Variants in RSRC1 observed in about 807,000 individuals in gnomAD.
RSRC1 encodes serine/Arginine-related protein 53.
RSRC1 carries 39 observed loss-of-function variants against 49.1 expected under a neutral mutation model. The observed-to-expected ratio is 0.79, with a 90% CI of 0.61 to 1.04. The LOEUF (loss-of-function observed/expected upper bound fraction) is 1.04, where lower values mean the gene tolerates loss of function less well. RSRC1 is among the 50% of genes least tolerant of loss of function. The pLI is 0.00. For synonymous variants in RSRC1, 143 were observed against 130.8 expected (o/e 1.09, Z -0.63); for missense variants, 388 against 402.4 (o/e 0.96, Z 0.31).
intron 6 of RSRC1, among the ~76,000 whole-genome samples, chr3:158,458,571 G>T (rs1193947413): frequency 6.6e-6 from 1 of 152,110 alleles, no homozygotes; most frequent in Non-Finnish European, 1.5e-5. Flanking sequence ...GCCTAGAGGG[G>T]ACAGTTAGCC....
chr3:158,188,866 G>A (rs1225817691), intron 3 of RSRC1, among the ~76,000 whole-genome samples: 1 of 151,274 alleles, frequency 6.6e-6, no homozygotes, highest in Non-Finnish European at 1.5e-5. Flanking sequence ...AACCTTTTGA[G>A]TTTACTCTTC....
intron 5 of RSRC1, among the ~76,000 whole-genome samples, chr3:158,340,456 G>A (rs1278305711): frequency 1.3e-5 from 2 of 152,068 alleles, no homozygotes; most frequent in Non-Finnish European, 1.5e-5. Flanking sequence ...CAGGAGAATC[G>A]CTTGAACCCG....
intron 5 of RSRC1, among the ~76,000 whole-genome samples, chr3:158,314,018 C>T (rs1728264273): frequency 6.6e-6 from 1 of 152,092 alleles, no homozygotes; most frequent in East Asian, 1.9e-4. Flanking sequence ...AATAGGAATC[C>T]ACACCTGGAT....
At chr3:158,386,711 G>T (rs1049595247) in intron 6 of RSRC1, among the ~76,000 whole-genome samples, 7 of 151,918 alleles carry the variant, frequency 4.6e-5, no homozygotes, top group Admixed American at 3.9e-4. Flanking sequence ...AGGCAGAAAT[G>T]TAGGGTTTAT....
chr3:158,391,253 A>T (rs1011186311), intron 6 of RSRC1, among the ~76,000 whole-genome samples: 1 of 151,836 alleles, frequency 6.6e-6, no homozygotes, highest in Non-Finnish European at 1.5e-5. Flanking sequence ...ACCTTTCCTC[A>T]TCTATCTTTT....
intron 6 of RSRC1, among the ~76,000 whole-genome samples, chr3:158,458,570 G>A (rs1474018286): frequency 2.6e-5 from 4 of 152,096 alleles, no homozygotes; most frequent in Non-Finnish European, 4.4e-5. Context: ...AGCCTAGAGG[G>A]GACAGTTAGC....
intron 7 of RSRC1, among the ~76,000 whole-genome samples, chr3:158,526,304 G>GAGC (rs1000685892): frequency 3.3e-5 from 5 of 152,110 alleles, no homozygotes; most frequent in African/African-American, 1.2e-4. Flanking sequence ...AAAGGCTACA[G>GAGC]AGCAGCCTAG....
In RSRC1 at chr3:158,376,189, C is replaced by CA. The variant is rs1732361066; in HGVS notation, c.583+21281_583+21282insA. 3.2e-4 allele frequency among the ~76,000 whole-genome samples: 14 copies of CA among 44,130 alleles called. No individual in the cohort carries two copies. The South Asian group carries it at 0.011, about 34-fold the overall frequency. 29.0% of individuals were successfully genotyped at this position (44,130 alleles called of 152,430 possible). ...CCTCCCTTCCTTCTTCCCTTCCTTT[C>CA]GTTTTTTTTTTTTTTTTTTAAAGAC... On this transcript the variant is annotated intron_variant, in intron 6 of 9. Coordinates refer to ENST00000611884, the MANE Select transcript of RSRC1 (RefSeq NM_001271838.2).
chr3:158,373,337 C>A (rs1337106814), intron 6 of RSRC1, among the ~76,000 whole-genome samples: 1 of 151,976 alleles, frequency 6.6e-6, no homozygotes, highest in Non-Finnish European at 1.5e-5. Flanking sequence ...CAGTCTTTCA[C>A]CATTAAGCAA....
At chr3:158,473,650 CTT>C (rs1738241789) in intron 7 of RSRC1, among the ~76,000 whole-genome samples, 1 of 151,678 alleles carries the variant, frequency 6.6e-6, no homozygotes, top group African/African-American at 2.4e-5. Context: ...TACCCTAGAA[CTT>C]AAAGTATAAT....
chr3:158,336,288 T>C (rs1316842600), intron 5 of RSRC1: 3 of 152,372 alleles, frequency 2.0e-5, no homozygotes, highest in African/African-American at 7.2e-5. Flanking sequence ...AGCATTGTTT[T>C]TGGTTTTGCA....
intron 4 of RSRC1, among the ~76,000 whole-genome samples, chr3:158,205,056 C>T (rs1721270787): frequency 6.6e-6 from 1 of 152,022 alleles, no homozygotes; most frequent in African/African-American, 2.4e-5. Context: ...TTCTGGATGG[C>T]AAGTTTACAA....
chr3:158,544,227 A>G lies in RSRC1; in HGVS notation c.957A>G (p.Arg319=). 1 of 1,612,906 alleles carries G rather than the reference A, an allele frequency of 6.2e-7. No individual in the cohort carries two copies. The highest frequency in any genetic ancestry group is 1.7e-4 in the Middle Eastern group (1 of 5,754). The change falls in exon 10 of 10, where the codon AGA becomes AGG. Residue 319 remains arginine, a synonymous_variant. Transcript: ENST00000611884. ...ATGCTGAGGAAAAATGGTTCAAGAG[A>G]TTAATTGCTCTCCGACAAGAAAGAC... ...KADAEEKWFK[R]LIALRQERLM...
At chr3:158,530,629 G>T (rs1274066364) in intron 7 of RSRC1, among the ~76,000 whole-genome samples, 1 of 151,528 alleles carries the variant, frequency 6.6e-6, no homozygotes, top group African/African-American at 2.4e-5. Flanking sequence ...GGGAAGATGT[G>T]GGGGGGAAAT....
At chr3:158,311,195 T>G in intron 5 of RSRC1, among the ~76,000 whole-genome samples, 1 of 152,026 alleles carries the variant, frequency 6.6e-6, no homozygotes, top group Middle Eastern at 3.4e-3. Context: ...TACTTTATGC[T>G]CATTATTATA....
intron 3 of RSRC1, among the ~76,000 whole-genome samples, chr3:158,147,403 T>A (rs1418602244): frequency 6.6e-6 from 1 of 151,912 alleles, no homozygotes; most frequent in Non-Finnish European, 1.5e-5. Context: ...TATTTTGATG[T>A]TTTGGTACTC....
intron 7 of RSRC1, among the ~76,000 whole-genome samples, chr3:158,493,730 C>T (rs1739193333): frequency 6.6e-6 from 1 of 152,118 alleles, no homozygotes; most frequent in Non-Finnish European, 1.5e-5. Flanking sequence ...GCATTTGACT[C>T]ATTTGGACAT....
intron 7 of RSRC1, among the ~76,000 whole-genome samples, chr3:158,491,742 T>C (rs1739091706): frequency 6.6e-6 from 1 of 152,346 alleles, no homozygotes; most frequent in Non-Finnish European, 1.5e-5. Flanking sequence ...AGTATAATTT[T>C]CATGTATGAT....
At chr3:158,422,556 A>G (rs1735138913) in intron 6 of RSRC1, among the ~76,000 whole-genome samples, 1 of 151,352 alleles carries the variant, frequency 6.6e-6, no homozygotes, top group Non-Finnish European at 1.5e-5. Flanking sequence ...GTGTCTTTAT[A>G]GCAGCATGAT....
Sources: allele counts gnomAD v4.1 joint callset (sites outside exome capture counted in the v4.1 genomes callset), GRCh38; gene constraint gnomAD v4.1.1; transcripts MANE v1.5; gene names NCBI Gene and HGNC (gene_info 2026-07-23, HGNC 2026-07-21).